Variants in MALRD1 observed in about 807,000 individuals in gnomAD.
MALRD1 encodes MAM and LDL-receptor class A domain-containing protein 1.
Under a neutral mutation model 242.1 loss-of-function variants are expected in MALRD1, and 247 were observed. That is an observed-to-expected ratio of 1.02 (90% CI 0.92 to 1.13). MALRD1 has a LOEUF of 1.13. MALRD1 is among the 50% of genes most tolerant of loss of function. MALRD1 has a pLI of 0.00. For synonymous variants in MALRD1, 995 were observed against 866.6 expected (o/e 1.15, Z -2.60); for missense variants, 2,989 against 2,533.1 (o/e 1.18, Z -3.86).
At chr10:19,238,563 A>G (rs1401148693) in intron 18 of MALRD1, among the ~76,000 whole-genome samples, 5 of 122,648 alleles carry the variant, frequency 4.1e-5, no homozygotes, top group South Asian at 4.5e-4. Context: ...TATATTATAT[A>G]TAATATACAT....
intron 14 of MALRD1, among the ~76,000 whole-genome samples, chr10:19,192,840 A>G (rs559738668): frequency 3.9e-5 from 6 of 152,348 alleles, no homozygotes; most frequent in African/African-American, 1.4e-4. Context: ...CTTTCTTTCA[A>G]GACTCTAAAG....
intron 28 of MALRD1, among the ~76,000 whole-genome samples, chr10:19,421,189 C>A (rs1401603837): frequency 6.6e-6 from 1 of 152,152 alleles, no homozygotes; most frequent in African/African-American, 2.4e-5. Flanking sequence ...TCTGAAGATG[C>A]TTTTGATGCA....
At chr10:19,566,126 T>C (rs956827412) in intron 32 of MALRD1, among the ~76,000 whole-genome samples, 1 of 151,704 alleles carries the variant, frequency 6.6e-6, no homozygotes, top group Admixed American at 6.6e-5. Flanking sequence ...ATTTTGGATA[T>C]ATATTTTTTA....
At chr10:19,286,879 T>G (rs1841152062) in intron 21 of MALRD1, among the ~76,000 whole-genome samples, 1 of 150,308 alleles carries the variant, frequency 6.7e-6, no homozygotes, top group Non-Finnish European at 1.5e-5. Flanking sequence ...AAAGAGAATT[T>G]TAGACCAATA....
chr10:19,304,354 T>C (rs1243839092), intron 21 of MALRD1, among the ~76,000 whole-genome samples: 1 of 151,218 alleles, frequency 6.6e-6, no homozygotes, highest in East Asian at 1.9e-4. Context: ...TCTCTCTCTC[T>C]GCCTCTCTGT....
intron 19 of MALRD1, among the ~76,000 whole-genome samples, chr10:19,268,373 C>A (rs1253423910): frequency 6.6e-6 from 1 of 152,048 alleles, no homozygotes; most frequent in Non-Finnish European, 1.5e-5. Flanking sequence ...AACACAGACA[C>A]TTCAATAAAA....
At chr10:19,453,159 C>T (rs933389548) in intron 29 of MALRD1, among the ~76,000 whole-genome samples, 1 of 152,110 alleles carries the variant, frequency 6.6e-6, no homozygotes, top group Non-Finnish European at 1.5e-5. Context: ...TCATAAACTA[C>T]CAGGTCACCA....
intron 1 of MALRD1, among the ~76,000 whole-genome samples, chr10:19,056,878 A>G (rs1373740030): frequency 5.3e-5 from 8 of 152,168 alleles, no homozygotes; most frequent in Non-Finnish European, 8.8e-5. Flanking sequence ...AGATTTTATT[A>G]TGAAAGGATT....
chr10:19,234,052 A>G (rs1564487411), intron 18 of MALRD1, among the ~76,000 whole-genome samples: 1 of 152,114 alleles, frequency 6.6e-6, no homozygotes, highest in Non-Finnish European at 1.5e-5. Context: ...CTGGGAAGCA[A>G]CATAATAAAA....
intron 32 of MALRD1, among the ~76,000 whole-genome samples, chr10:19,532,336 C>A (rs943009846): frequency 6.6e-6 from 1 of 152,092 alleles, no homozygotes; most frequent in Admixed American, 6.6e-5. Flanking sequence ...TTCACTGGAA[C>A]CTCCGCCTCC....
chr10:19,604,456 G>C (rs1589296273), intron 34 of MALRD1, among the ~76,000 whole-genome samples: 1 of 152,178 alleles, frequency 6.6e-6, no homozygotes, highest in Non-Finnish European at 1.5e-5. Flanking sequence ...TCTGAGAGAG[G>C]TGAGGAAGCT....
chr10:19,072,856 G>A (rs552133507), intron 2 of MALRD1, among the ~76,000 whole-genome samples: 1 of 152,096 alleles, frequency 6.6e-6, no homozygotes, highest in South Asian at 2.1e-4. Flanking sequence ...TGTACTGAGA[G>A]TACAAACAAG....
rs1394593045 is a variant in MALRD1 at position 19,607,869 on chromosome 10, A to G, written c.6037A>G (p.Met2013Val). The G allele has an allele frequency of 5.2e-6, 8 of 1,549,626 alleles. No homozygotes were observed. The East Asian group carries it at 7.3e-5, about 14-fold the overall frequency. Residue 2013 changes from methionine to valine, a missense_variant, in exon 35 of 40, where the codon ATG becomes GTG. Met to Val is a conservative substitution (Grantham distance 21). Transcript: ENST00000454679. ...HQRCDGFADC[M>V]DFQLDESSCS... ...GCGCTGTGATGGTTTTGCCGACTGC[A>G]TGGATTTCCAGCTTGATGAGTCCAG... is the stretch of plus-strand genomic sequence containing the variant.
intron 26 of MALRD1, among the ~76,000 whole-genome samples, chr10:19,361,071 A>G (rs1844875257): frequency 6.6e-6 from 1 of 152,056 alleles, no homozygotes; most frequent in Admixed American, 6.6e-5. Flanking sequence ...GCTCCTCAAC[A>G]GCCATTCTCT....
chr10:19,686,794 A>C (rs1189917598), intron 36 of MALRD1, among the ~76,000 whole-genome samples: 1 of 152,158 alleles, frequency 6.6e-6, no homozygotes, highest in Non-Finnish European at 1.5e-5. Context: ...AGCCTAAATG[A>C]ATTTGAAGGC....
At chr10:19,533,330 T>C (rs1165077704) in intron 32 of MALRD1, among the ~76,000 whole-genome samples, 1 of 152,196 alleles carries the variant, frequency 6.6e-6, no homozygotes, top group East Asian at 1.9e-4. Flanking sequence ...AGCAGTTAAG[T>C]ATAACGATGC....
chr10:19,394,256 A>G (rs1846477788), intron 28 of MALRD1, among the ~76,000 whole-genome samples: 1 of 152,150 alleles, frequency 6.6e-6, no homozygotes, highest in South Asian at 2.1e-4. Context: ...TCTTACTCTC[A>G]GCTATTCATT....
intron 29 of MALRD1, among the ~76,000 whole-genome samples, chr10:19,472,383 G>A (rs1021427351): frequency 6.6e-6 from 1 of 151,910 alleles, no homozygotes; most frequent in Non-Finnish European, 1.5e-5. Flanking sequence ...GTTTTTGTCT[G>A]GCTTTGATAT....
At chr10:19,374,464 C>T (rs1269925086) in intron 26 of MALRD1, among the ~76,000 whole-genome samples, 2 of 152,166 alleles carry the variant, frequency 1.3e-5, no homozygotes, top group African/African-American at 4.8e-5. Context: ...CTATAACAAA[C>T]CTACTTAGTT....
Sources: gnomAD v4.1 joint callset for allele counts (sites outside exome capture counted in the v4.1 genomes callset) on GRCh38, gnomAD v4.1.1 for gene constraint, MANE v1.5 for transcripts, NCBI Gene and HGNC (gene_info 2026-07-23, HGNC 2026-07-21) for gene names.